TNRC18: variants seen among roughly 807,000 people sequenced by gnomAD.
TNRC18 encodes trinucleotide repeat containing 18, also known as trinucleotide repeat-containing gene 18 protein.
A neutral mutation model predicts 226.7 loss-of-function variants in TNRC18; 69 were observed. The observed-to-expected ratio is 0.30, with a 90% CI of 0.25 to 0.37. The LOEUF (loss-of-function observed/expected upper bound fraction) is 0.37, where lower values mean the gene tolerates loss of function less well. TNRC18 is among the 10% of genes least tolerant of loss of function. The pLI is 1.00. For synonymous variants in TNRC18, 2,449 were observed against 1,927.6 expected (o/e 1.27, Z -7.09); for missense variants, 4,754 against 4,256.6 (o/e 1.12, Z -3.25).
At chr7:5,358,722 G>C (rs995917070) in intron 15 of TNRC18, among the ~76,000 whole-genome samples, 1 of 152,226 alleles carries the variant, frequency 6.6e-6, no homozygotes, top group Admixed American at 6.5e-5. Context: ...GCTGAGGCAG[G>C]AGAATCGCTT....
Position 5,325,207 on chromosome 7 carries a change from C to T in TNRC18, c.6189G>A (p.Pro2063=), listed in dbSNP as rs375883994. The part of the protein sequence containing the change: ...GKEAGPGAGL[P]PPRAPALPSE... ...AGGGCAAGGCAGGAGCTCGGGGCGG[C>T]GGCAGCCCAGCTCCTGGCCCAGCCT... Residue 2063 remains proline (P), a synonymous_variant, in exon 20 of 30, where the codon CCG becomes CCA. Coordinates refer to ENST00000430969, the MANE Select transcript of TNRC18 (RefSeq NM_001080495.3). The T allele has an allele frequency of 3.6e-4, 558 of 1,554,188 alleles. No individual in the cohort carries two copies. The highest frequency in any genetic ancestry group is 1.8e-3 in the Middle Eastern group (10 of 5,708).
intron 2 of TNRC18, among the ~76,000 whole-genome samples, chr7:5,401,042 T>G (rs979521029): frequency 3.3e-5 from 5 of 151,912 alleles, no homozygotes; most frequent in African/African-American, 9.7e-5. Flanking sequence ...CAAAAAAAAT[T>G]TATTAAAAAT....
intron 11 of TNRC18, among the ~76,000 whole-genome samples, chr7:5,368,832 G>A (rs1040756749): frequency 3.9e-5 from 6 of 151,994 alleles, no homozygotes; most frequent in African/African-American, 9.7e-5. Flanking sequence ...GTGTTGCCCC[G>A]GCCCTTCCTC....
intron 3 of TNRC18, among the ~76,000 whole-genome samples, 157 bp from the exon 4 acceptor site, chr7:5,390,785 C>G (rs191583420): frequency 6.6e-6 from 1 of 152,076 alleles, no homozygotes; most frequent in African/African-American, 2.4e-5. Context: ...CATTCTCCTG[C>G]TCCCCAACCC....
In TNRC18 at chr7:5,352,109, G is replaced by C. The variant is rs1250019049; in HGVS notation, c.5195-15C>G. ...TGAGTCCGTATCTGCAGTCAAAGTA[G>C]TTTTTAATAGAGATAAGTCACAGGG... On this transcript the variant is annotated splice_polypyrimidine_tract_variant and intron_variant, in intron 16 of 29. Transcript: ENST00000430969. 6.3e-7 allele frequency: 1 copy of C among 1,585,006 alleles called. No homozygotes were observed. Among genetic ancestry groups the C allele is most frequent in the African/African-American group, 1.4e-5 (1 of 73,670 alleles).
intron 18 of TNRC18, among the ~76,000 whole-genome samples, chr7:5,337,851 G>C (rs934244429): frequency 6.6e-6 from 1 of 151,904 alleles, no homozygotes; most frequent in African/African-American, 2.4e-5. Context: ...GGCGAGGTGG[G>C]AGGTGCCTGT....
At position 5,388,796 on chromosome 7, in the gene TNRC18, T is replaced by C. The variant is rs1381340829; in HGVS notation, c.1028A>G (p.Lys343Arg). ...GGCCGCGGGGGGTGCAGGAGGCCCC[T>C]TGGGGGGCGCGGGCGGCGGGGGCAG... is the stretch of plus-strand genomic sequence containing the variant. Reference protein sequence around the residue: ...SPLPPPPAPPKGPPAPPAATP... With the variant: ...SPLPPPPAPPRGPPAPPAATP... Residue 343 changes from lysine (K) to arginine (R), a missense_variant, in exon 5 of 30, where the codon AAG (lysine) becomes AGG (arginine). Transcript: ENST00000430969. The C allele has an allele frequency of 1.7e-6, 2 of 1,202,218 alleles. No individual in the cohort carries two copies. Among genetic ancestry groups the C allele is most frequent in the Non-Finnish European group, 1.0e-6 (1 of 967,944 alleles). The allele number at this position is 1,202,218 out of a possible 1,614,324, so 74.5% of individuals were successfully genotyped here. A position where few individuals can be genotyped will look rare whatever the true frequency, so the allele number is the denominator to read the frequency against.
intron 2 of TNRC18, among the ~76,000 whole-genome samples, chr7:5,401,010 G>C (rs1781047714): frequency 6.6e-6 from 1 of 152,226 alleles, no homozygotes; most frequent in African/African-American, 2.4e-5. Flanking sequence ...TGCAGCCTGG[G>C]AGACAGAGCA....
At chr7:5,401,427 C>T (rs1370525982) in intron 2 of TNRC18, among the ~76,000 whole-genome samples, 2 of 152,170 alleles carry the variant, frequency 1.3e-5, no homozygotes, top group African/African-American at 4.8e-5. Context: ...TACCCTAACT[C>T]CTTCACTCCC....
chr7:5,343,824 T>C (rs1790905099), intron 18 of TNRC18, among the ~76,000 whole-genome samples: 1 of 152,240 alleles, frequency 6.6e-6, no homozygotes, highest in African/African-American at 2.4e-5. Flanking sequence ...CGTAATTTTA[T>C]ATGCACTGGG....
intron 18 of TNRC18, among the ~76,000 whole-genome samples, chr7:5,342,223 G>A (rs1214449164): frequency 6.6e-6 from 1 of 152,168 alleles, no homozygotes; most frequent in Non-Finnish European, 1.5e-5. Context: ...GAGGCCAGGA[G>A]TTCCAGACCA....
intron 19 of TNRC18, chr7:5,330,039 A>G: frequency 2.1e-6 from 1 of 470,186 alleles, no homozygotes; most frequent in East Asian, 7.0e-5. Context: ...CCCACATCTC[A>G]GCATCCCAAG....
chr7:5,321,173 T>C lies in TNRC18; in HGVS notation c.6460A>G (p.Ile2154Val). 6.4e-7 allele frequency: 1 copy of C among 1,550,950 alleles called. No individual in the cohort carries two copies. Among genetic ancestry groups the C allele is most frequent in the Non-Finnish European group, 8.7e-7 (1 of 1,147,844 alleles). ...PLTPAPRSCIIDKDELKDGLR... is the reference protein window; with the variant it reads ...PLTPAPRSCIVDKDELKDGLR... ...CCGTCCTTCAGCTCATCCTTGTCGATGATGCAGGAGCGAGGGGCTGCAGGG... is the reference window on the plus strand; with the variant it reads ...CCGTCCTTCAGCTCATCCTTGTCGACGATGCAGGAGCGAGGGGCTGCAGGG... Residue 2154 changes from isoleucine to valine, a missense_variant, in exon 22 of 30, where the codon ATC (isoleucine) becomes GTC (valine). Physicochemically the swap from Ile to Val is conservative, Grantham distance 29. Coordinates refer to ENST00000430969, the MANE Select transcript of TNRC18 (RefSeq NM_001080495.3).
In TNRC18 at chr7:5,312,886, A is replaced by G. The variant is rs1200868255; in HGVS notation, c.8005T>C (p.Ser2669Pro). ...GAGTCCTCGTCTGTGGTGGAGGAAG[A>G]AGAGGAGGAAGAGGAGGAGGAGGAG... The part of the protein sequence containing the change: ...SSSSSSSSSS[S>P]SSTTDEDSSC... The change falls in exon 27 of 30, where the codon TCT becomes CCT. Residue 2669 changes from serine to proline, a missense_variant. By Grantham distance (74) the Ser-to-Pro change is moderately conservative. Coordinates refer to ENST00000430969, the MANE Select transcript of TNRC18 (RefSeq NM_001080495.3). This position sits in a 1 kb window ranked among gnomAD's most constrained non-coding sequence, Gnocchi z 6.3. The G allele has an allele frequency of 1.4e-5, 22 of 1,517,410 alleles. No homozygotes were observed. Among genetic ancestry groups the G allele is most frequent in the Non-Finnish European group, 1.9e-5 (21 of 1,131,874 alleles). The allele number at this position is 1,517,410 out of a possible 1,614,324, so 94.0% of individuals were successfully genotyped here. A position where few individuals can be genotyped will look rare whatever the true frequency, so the allele number is the denominator to read the frequency against.
chr7:5,368,281 A>G (rs964581252), intron 11 of TNRC18, among the ~76,000 whole-genome samples: 1 of 151,612 alleles, frequency 6.6e-6, no homozygotes, highest in African/African-American at 2.4e-5. Context: ...AGCCTGGCCA[A>G]CATGGCGAAA....
At chr7:5,392,392 G>A (rs938806814) in intron 3 of TNRC18, among the ~76,000 whole-genome samples, 13 of 152,120 alleles carry the variant, frequency 8.5e-5, no homozygotes, top group African/African-American at 3.1e-4. Flanking sequence ...GAACTCAGGA[G>A]GCAGAGGTTG....
intron 19 of TNRC18, among the ~76,000 whole-genome samples, chr7:5,330,597 C>T (rs1472854997): frequency 6.6e-6 from 1 of 152,028 alleles, no homozygotes; most frequent in East Asian, 1.9e-4. Context: ...AAACCCACTT[C>T]ACACAGTCCT....
In TNRC18 at chr7:5,338,617, T is replaced by TAA. The variant is rs573809852; in HGVS notation, c.5720-5570_5720-5569dup. On this transcript the variant is annotated intron_variant, in intron 18 of 29. Coordinates refer to ENST00000430969, the MANE Select transcript of TNRC18 (RefSeq NM_001080495.3). ...CTCCAGCCTGGGCAACGCTGCACAT[T>TAA]AAAAAAAAAAAAAAAAAAAAGAGCT... 4.8e-4 allele frequency among the ~76,000 whole-genome samples: 33 copies of TAA among 68,158 alleles called. 1 individual carries two copies. The highest frequency in any genetic ancestry group is 1.3e-3 in the African/African-American group (23 of 17,646). 44.7% of individuals were successfully genotyped at this position (68,158 alleles called of 152,430 possible).
chr7:5,374,512 G>T, intron 9 of TNRC18, 28 bp from the exon 10 acceptor site: 1 of 1,532,302 alleles, frequency 6.5e-7, no homozygotes, highest in Non-Finnish European at 8.8e-7. Flanking sequence ...GGCAGGGTCA[G>T]CACGGCACGA....
Sources: gnomAD v4.1 joint callset for allele counts (sites outside exome capture counted in the v4.1 genomes callset) on GRCh38, gnomAD v4.1.1 for gene constraint, Gnocchi (gnomAD v3.1) non-coding constraint, MANE v1.5 for transcripts, NCBI Gene and HGNC (gene_info 2026-07-23, HGNC 2026-07-21) for gene names.